Variants in SNTG2 observed in about 807,000 individuals in gnomAD.
SNTG2 encodes syntrophin gamma 2, also known as gamma-2-syntrophin.
In SNTG2, 74 loss-of-function variants were observed where a neutral mutation model predicts 70.9. The ratio of observed to expected loss-of-function variants is 1.04; its 90% CI spans 0.86 to 1.27. The LOEUF (loss-of-function observed/expected upper bound fraction) is 1.27, where lower values mean the gene tolerates loss of function less well. Ranked by LOEUF, SNTG2 falls within the 50% of genes most tolerant of loss-of-function variation. The pLI is 0.00. For missense variants in SNTG2, 717 were observed against 690.7 expected (o/e 1.04, Z -0.43); for synonymous variants, 278 against 273.8 (o/e 1.02, Z -0.15).
chr2:1,064,759 A>G (rs1663044938), intron 1 of SNTG2, among the ~76,000 whole-genome samples: 1 of 152,190 alleles, frequency 6.6e-6, no homozygotes, highest in South Asian at 2.1e-4. Context: ...GAAAAGAAGA[A>G]CAAAGAATAC....
At chr2:1,056,452 T>C (rs545591541) in intron 1 of SNTG2, among the ~76,000 whole-genome samples, 1 of 4,620 alleles carries the variant, frequency 2.2e-4, no homozygotes, top group Non-Finnish European at 3.4e-4. Context: ...AGGGAGAGCG[T>C]CGCGCTGTGC....
rs1445855761 is a variant in SNTG2 at position 1,056,248 on chromosome 2, CACTGT to C, written c.73-27269_73-27265del. Reference sequence around the variant, plus strand: ...GCATGGGGGAGGGAGGGAGAGGCCGCACTGTGCTGTGGGGAGGGAGGGAGGGAGAG... The same window carrying C: ...GCATGGGGGAGGGAGGGAGAGGCCGCGCTGTGGGGAGGGAGGGAGGGAGAG... On this transcript the variant is annotated intron_variant, in intron 1 of 16. Coordinates refer to ENST00000308624, the MANE Select transcript of SNTG2 (RefSeq NM_018968.4). 3.3e-5 allele frequency among the ~76,000 whole-genome samples: 3 copies of C among 91,624 alleles called. 1 individual carries two copies. Among genetic ancestry groups the C allele is most frequent in the African/African-American group, 1.3e-4 (3 of 22,566 alleles). The allele number at this position is 91,624 out of a possible 152,430, so 60.1% of individuals were successfully genotyped here. A position where few individuals can be genotyped will look rare whatever the true frequency, so the allele number is the denominator to read the frequency against.
intron 9 of SNTG2, among the ~76,000 whole-genome samples, chr2:1,218,741 A>G (rs1478456571): frequency 6.6e-6 from 1 of 152,170 alleles, no homozygotes; most frequent in African/African-American, 2.4e-5. Context: ...AAGGAATAGT[A>G]CGGGGATAGG....
At chr2:1,259,328 G>A (rs1296367467) in intron 12 of SNTG2, 42 bp from the exon 13 acceptor site, 1 of 1,601,294 alleles carries the variant, frequency 6.2e-7, no homozygotes, top group Non-Finnish European at 8.6e-7. Flanking sequence ...TCAACTAAAA[G>A]TAGCATGCTG....
intron 9 of SNTG2, among the ~76,000 whole-genome samples, chr2:1,216,369 G>T (rs1157063128): frequency 1.3e-5 from 2 of 152,162 alleles, no homozygotes; most frequent in Admixed American, 1.3e-4. Flanking sequence ...AGAAGTGTCT[G>T]TTCATGTCCT....
intron 8 of SNTG2, among the ~76,000 whole-genome samples, chr2:1,187,907 A>G (rs1010730524): frequency 6.6e-6 from 1 of 152,248 alleles, no homozygotes; most frequent in Non-Finnish European, 1.5e-5. Flanking sequence ...TGTTCGCACA[A>G]AGAGAGTCTG....
intron 6 of SNTG2, among the ~76,000 whole-genome samples, chr2:1,143,378 C>A (rs571754893): frequency 6.6e-6 from 1 of 152,256 alleles, no homozygotes; most frequent in South Asian, 2.1e-4. Context: ...TTGTCATTGT[C>A]TTTCTCCATG....
intron 8 of SNTG2, among the ~76,000 whole-genome samples, chr2:1,182,199 A>T (rs1671951073): frequency 6.6e-6 from 1 of 152,098 alleles, no homozygotes; most frequent in South Asian, 2.1e-4. Flanking sequence ...AGAAGATTTA[A>T]AGTGCTCACC....
At chr2:1,282,241 T>C (rs1679578802) in intron 14 of SNTG2, among the ~76,000 whole-genome samples, 1 of 151,872 alleles carries the variant, frequency 6.6e-6, no homozygotes, top group Non-Finnish European at 1.5e-5. Context: ...TGTAGGGGAG[T>C]AGTTTACGTG....
intron 9 of SNTG2, among the ~76,000 whole-genome samples, chr2:1,228,379 C>T (rs1675943606): frequency 6.6e-6 from 1 of 152,216 alleles, no homozygotes; most frequent in African/African-American, 2.4e-5. Context: ...AGGAGCGCCT[C>T]TCTCTCACCC....
At chr2:1,208,388 C>G (rs528695820) in intron 8 of SNTG2, among the ~76,000 whole-genome samples, 1 of 152,332 alleles carries the variant, frequency 6.6e-6, no homozygotes, top group East Asian at 1.9e-4. Flanking sequence ...CTGGTTCATT[C>G]CCAGCGAGCC....
intron 14 of SNTG2, among the ~76,000 whole-genome samples, chr2:1,281,338 G>A (rs1679521239): frequency 1.3e-5 from 1 of 78,154 alleles, no homozygotes; most frequent in African/African-American, 5.4e-5. Context: ...TGTGTGTGTG[G>A]TGGTATGTGT....
At chr2:1,281,982 A>G (rs551009178) in intron 14 of SNTG2, among the ~76,000 whole-genome samples, 3 of 152,276 alleles carry the variant, frequency 2.0e-5, no homozygotes, top group East Asian at 1.9e-4. Flanking sequence ...CATTGTTTCT[A>G]TAGGAAAATC....
At chr2:1,090,550 TGAAAG>T (rs1352519843) in intron 2 of SNTG2, among the ~76,000 whole-genome samples, 1 of 152,056 alleles carries the variant, frequency 6.6e-6, no homozygotes, top group African/African-American at 2.4e-5. Flanking sequence ...AGAGCAGGAA[TGAAAG>T]GAAGTGAAGG....
At chr2:1,130,443 A>T (rs1249830935) in intron 4 of SNTG2, among the ~76,000 whole-genome samples, 2 of 152,190 alleles carry the variant, frequency 1.3e-5, no homozygotes, top group African/African-American at 2.4e-5. Flanking sequence ...TTTGCATTAC[A>T]ATTTTTCCAG....
At chr2:1,301,960 C>A (rs934912305) in intron 14 of SNTG2, among the ~76,000 whole-genome samples, 1 of 150,486 alleles carries the variant, frequency 6.6e-6, no homozygotes, top group Admixed American at 6.6e-5. Flanking sequence ...ACTGAGTTTT[C>A]TTACTTTTTT....
intron 1 of SNTG2, among the ~76,000 whole-genome samples, chr2:1,054,346 G>A (rs959794174): frequency 5.9e-5 from 9 of 152,050 alleles, no homozygotes; most frequent in East Asian, 1.9e-4. Context: ...ACTCTTCTTC[G>A]TGCCAAGGAA....
intron 1 of SNTG2, among the ~76,000 whole-genome samples, chr2:1,025,806 CA>C (rs1469936132): frequency 6.6e-6 from 1 of 152,234 alleles, no homozygotes; most frequent in African/African-American, 2.4e-5. Context: ...TGCTATGTGA[CA>C]TTCACAGGCT....
At chr2:1,075,085 C>A (rs1280827618) in intron 1 of SNTG2, among the ~76,000 whole-genome samples, 1 of 152,102 alleles carries the variant, frequency 6.6e-6, no homozygotes, top group Non-Finnish European at 1.5e-5. Flanking sequence ...TTACAGGTGC[C>A]AAGAATAATG....
Sources: gnomAD v4.1 joint callset for allele counts (sites outside exome capture counted in the v4.1 genomes callset) on GRCh38, gnomAD v4.1.1 for gene constraint, MANE v1.5 for transcripts, NCBI Gene and HGNC (gene_info 2026-07-23, HGNC 2026-07-21) for gene names.